PON2: variants seen among roughly 807,000 people sequenced by gnomAD.
PON2 encodes paraoxonase 2, also known as serum paraoxonase/arylesterase 2.
A neutral mutation model predicts 36.6 loss-of-function variants in PON2; 27 were observed. The observed-to-expected ratio is 0.74, with a 90% confidence interval of 0.54 to 1.02. The LOEUF is 1.02. Among genes scored for constraint, PON2 ranks in the 50% least tolerant of loss-of-function variants. PON2 has a pLI of 0.00. For missense variants in PON2, 363 were observed against 421.1 expected, an observed-to-expected ratio of 0.86 and a Z score of 1.21; for synonymous variants, 149 against 156.3, an observed-to-expected ratio of 0.95 and a Z score of 0.35.
chr7:95,410,459 G>C (rs781559527), intron 5 of PON2, among the ~76,000 whole-genome samples: 7 of 152,206 alleles, frequency 4.6e-5, no homozygotes, highest in Non-Finnish European at 8.8e-5. Flanking sequence ...GAGAGAGCCT[G>C]ATTGGCTGGT....
chr7:95,434,848 C>T (rs978332492), intron 1 of PON2, 30 bp downstream of exon 1: 34 of 1,535,128 alleles, frequency 2.2e-5, no homozygotes, highest in Admixed American at 1.2e-4. Context: ...TGGGGACCGC[C>T]GAGGAGGGGC....
rs181288973 is a variant in PON2, at chr7:95,412,471, T to C, written c.208A>G (p.Lys70Glu). Residue 70 changes from lysine to glutamate, a missense_variant, in exon 4 of 9, where the codon AAA (lysine) becomes GAA (glutamate). Physicochemically the swap from Lys to Glu is moderately conservative, Grantham distance 56. Coordinates refer to ENST00000222572, the MANE Select transcript of PON2 (RefSeq NM_000305.3). ...GCAAAGCTGTGGAGTCCTGGGAATT[T>C]TAGACCCTTTCCAAAACGGTGAAAA... The part of the protein sequence containing the change: ...NGLAFFSVGL[K>E]FPGLHSFAPD... 6.2e-7 allele frequency: 1 copy of C among 1,614,020 alleles called. No homozygotes were observed. The highest frequency in any genetic ancestry group is 2.2e-5 in the East Asian group (1 of 44,888).
At position 95,407,046 on chromosome 7, in the gene PON2, A is replaced by G. The variant is rs150110337; in HGVS notation, c.718T>C (p.Leu240=). ...TCCAAAACATGAATTTCATGAGCCA[A>G]TATGTCAGCAACATAGATATACCTT... is the stretch of plus-strand genomic sequence containing the variant. ...DDKYIYVADI[L]AHEIHVLEKH... Residue 240 remains leucine (L), a synonymous_variant, in exon 7 of 9, where the codon TTG becomes CTG. Transcript: ENST00000222572. 2 of 1,596,966 alleles carry G rather than the reference A, an allele frequency of 1.3e-6. No individual in the cohort carries two copies. Among genetic ancestry groups the G allele is most frequent in the Admixed American group, 1.7e-5 (1 of 59,870 alleles).
At chr7:95,426,844 T>C (rs1249472518) in intron 1 of PON2, among the ~76,000 whole-genome samples, 2 of 152,256 alleles carry the variant, frequency 1.3e-5, no homozygotes, top group African/African-American at 4.8e-5. Flanking sequence ...ACTATGCCTA[T>C]TTGACTATAC....
intron 1 of PON2, 59 bp downstream of exon 1, chr7:95,434,819 C>T (rs1440978371): frequency 2.6e-6 from 4 of 1,515,770 alleles, no homozygotes; most frequent in East Asian, 5.2e-5. Flanking sequence ...CTCCCCGCAC[C>T]ACGCGGCCAC....
chr7:95,424,994 C>T (rs779075259), intron 1 of PON2, among the ~76,000 whole-genome samples: 80 of 152,190 alleles, frequency 5.3e-4, no homozygotes, highest in Non-Finnish European at 8.2e-4. Flanking sequence ...GACTGTAAGC[C>T]TCACACAGAG....
rs1303035522 is a variant in PON2, at chr7:95,416,272, T to C, written c.171A>G (p.Ile57Met). The C allele has an allele frequency of 6.2e-7, 1 of 1,613,414 alleles. No individual in the cohort carries two copies. Among genetic ancestry groups the C allele is most frequent in the African/African-American group, 1.3e-5 (1 of 74,916 alleles). Residue 57 changes from isoleucine (I) to methionine (M), a missense_variant, in exon 3 of 9, where the codon ATA (isoleucine) becomes ATG (methionine). Coordinates refer to ENST00000222572, the MANE Select transcript of PON2 (RefSeq NM_000305.3). ...GIEAGSEDIDILPNGLAFFSV... is the reference protein window; with the variant it reads ...GIEAGSEDIDMLPNGLAFFSV... Reference sequence around the variant, plus strand: ...TAAAAAAAGCCAGACCATTGGGAAGTATGTCAATATCTTCAGAGCCAGCTT... The same window carrying C: ...TAAAAAAAGCCAGACCATTGGGAAGCATGTCAATATCTTCAGAGCCAGCTT...
intron 6 of PON2, among the ~76,000 whole-genome samples, chr7:95,408,384 G>A (rs919515829): frequency 1.3e-5 from 2 of 152,198 alleles, no homozygotes; most frequent in African/African-American, 4.8e-5. Context: ...AGGAGTTTGG[G>A]GGTAGAGGAA....
chr7:95,411,664 C>T lies in PON2; in HGVS notation c.483G>A (p.Glu161=). 6.2e-7 allele frequency: 1 copy of T among 1,613,918 alleles called. No homozygotes were observed. The highest frequency in any genetic ancestry group is 8.5e-7 in the Non-Finnish European group (1 of 1,179,922). ...AAATGAGGAAGTACCTTGGAAGAAG[C>T]TCATGTTTGACTGTTTTCAGATGCA... ...SLLHLKTVKH[E]LLPSVNDITA... The change falls in exon 5 of 9, where the codon GAG becomes GAA. Residue 161 remains glutamate (E), a synonymous_variant. Coordinates refer to ENST00000222572, the MANE Select transcript of PON2 (RefSeq NM_000305.3).
chr7:95,423,426 T>A (rs944569687), intron 2 of PON2, among the ~76,000 whole-genome samples: 7 of 151,994 alleles, frequency 4.6e-5, no homozygotes, highest in Non-Finnish European at 7.4e-5. Flanking sequence ...GGACATGTAC[T>A]TAGTAGATGA....
rs374188034 is a variant in PON2 at position 95,415,313 on chromosome 7, TCAACAATATTCA to T, written c.201+917_201+928del. ...GAATGGACATTGTTACAAGCTAGTT[TCAACAATATTCA>T]CAACAATATTCACAAGCCAATTGTT... On this transcript the variant is annotated intron_variant, in intron 3 of 8. Coordinates refer to ENST00000222572, the MANE Select transcript of PON2 (RefSeq NM_000305.3). 2.8e-3 allele frequency: 433 copies of T among 152,308 alleles called. 2 individuals carry two copies. Among genetic ancestry groups the T allele is most frequent in the African/African-American group, 9.3e-3 (385 of 41,580 alleles). The allele number at this position is 152,308 out of a possible 1,614,324, so 9.4% of individuals were successfully genotyped here. A position where few individuals can be genotyped will look rare whatever the true frequency, so the allele number is the denominator to read the frequency against.
chr7:95,423,187 G>A (rs1402418114), intron 2 of PON2, among the ~76,000 whole-genome samples: 1 of 151,656 alleles, frequency 6.6e-6, no homozygotes, highest in Admixed American at 6.6e-5. Flanking sequence ...CCATGAGTGG[G>A]GGCATGTGCC....
intron 1 of PON2, chr7:95,434,217 A>C (rs534801819): frequency 3.3e-5 from 5 of 152,390 alleles, no homozygotes; most frequent in African/African-American, 1.2e-4. Context: ...AACAAAAAAC[A>C]AACGTTGAGT....
intron 7 of PON2, 65 bp from the exon 8 acceptor site, chr7:95,406,312 A>ATT: frequency 6.5e-7 from 1 of 1,535,492 alleles, no homozygotes. Context: ...ATTTAGAGGT[A>ATT]ACCTTCCTGC....
rs1477164625 is a variant in PON2, at chr7:95,424,256, G to A, written c.145+259C>T. 7 of 504,366 alleles carry A rather than the reference G, an allele frequency of 1.4e-5. No homozygotes were observed. The East Asian group carries it at 1.8e-4, about 13-fold the overall frequency. The allele number at this position is 504,366 out of a possible 1,614,324, so 31.2% of individuals were successfully genotyped here. A position where few individuals can be genotyped will look rare whatever the true frequency, so the allele number is the denominator to read the frequency against. On this transcript the variant is annotated intron_variant, in intron 2 of 8. Transcript: ENST00000222572. ...ATACAGACGCAACAAAAATAGTTCA[G>A]AGAAGTCACAAAACAAGCAAGAAAT...
At chr7:95,423,321 CAA>C (rs35269697) in intron 2 of PON2, among the ~76,000 whole-genome samples, 847 of 71,114 alleles carry the variant, frequency 0.012, 3 homozygotes, top group African/African-American at 0.035. Context: ...GGCCACCTCT[CAA>C]AAAAAAAAAA....
In PON2 at chr7:95,424,503, T is replaced by A; in HGVS notation, c.145+12A>T. 1 of 1,607,182 alleles carries A rather than the reference T, an allele frequency of 6.2e-7. No homozygotes were observed. The highest frequency in any genetic ancestry group is 8.5e-7 in the Non-Finnish European group (1 of 1,173,876). On this transcript the variant is annotated intron_variant, in intron 2 of 8. Coordinates refer to ENST00000222572, the MANE Select transcript of PON2 (RefSeq NM_000305.3). ...AATGCAATGTGCCCAACAAGCATTT[T>A]CATATACATACCAATTCCTTTAATC...
chr7:95,411,262 A>T (rs761304462), intron 5 of PON2, among the ~76,000 whole-genome samples: 1 of 152,192 alleles, frequency 6.6e-6, no homozygotes, highest in Non-Finnish European at 1.5e-5. Context: ...AATAAAAAAC[A>T]GGCCATTCTT....
At chr7:95,427,068 T>C (rs571149609) in intron 1 of PON2, among the ~76,000 whole-genome samples, 3 of 152,366 alleles carry the variant, frequency 2.0e-5, no homozygotes, top group Non-Finnish European at 2.9e-5. Context: ...TGTTTTCATA[T>C]GCAGCCTACC....
Sources: allele counts gnomAD v4.1 joint callset (sites outside exome capture counted in the v4.1 genomes callset), GRCh38; gene constraint gnomAD v4.1.1; transcripts MANE v1.5; gene names NCBI Gene and HGNC (gene_info 2026-07-23, HGNC 2026-07-21).